The following MRPL45 variants were observed in gnomAD, a reference collection of about 807,000 sequenced individuals.
MRPL45 encodes the protein large ribosomal subunit protein mL45.
Under a neutral mutation model 38.1 loss-of-function variants are expected in MRPL45, and 20 were observed. That is an observed-to-expected ratio of 0.53 (90% CI 0.37 to 0.76). The LOEUF (loss-of-function observed/expected upper bound fraction) is 0.76, where lower values mean the gene tolerates loss of function less well. Ranked by LOEUF, MRPL45 falls within the 30% of genes least tolerant of loss-of-function variation. The pLI, the probability that MRPL45 is intolerant of heterozygous loss-of-function variation, is 0.00. For synonymous variants in MRPL45, 105 were observed against 128.8 expected, an observed-to-expected ratio of 0.82 and a Z score of 1.25; for missense variants, 337 against 395.6, an observed-to-expected ratio of 0.85 and a Z score of 1.26.
At chr17:38,318,762 TG>T (rs766227188) in intron 5 of MRPL45, 27 bp downstream of exon 5, 2 of 1,543,508 alleles carry the variant, frequency 1.3e-6, no homozygotes, top group Non-Finnish European at 8.9e-7. Flanking sequence ...CTTAGAACTG[TG>T]GGGTGACTGA....
At position 38,309,541 on chromosome 17, in the gene MRPL45, A is replaced by C. The variant is rs1040102491; in HGVS notation, c.461+2910A>C. 4.3e-4 allele frequency among the ~76,000 whole-genome samples: 16 copies of C among 37,022 alleles called. No homozygotes were observed. The Admixed American group carries it at 5.5e-3, about 13-fold the overall frequency. 24.3% of individuals were successfully genotyped at this position (37,022 alleles called of 152,430 possible). On this transcript the variant is annotated intron_variant, in intron 4 of 7. Transcript: ENST00000613675. ...CGTCTCAGAAAAAAAAAAAAAAAAA[A>C]GATTTTTTTTCTTTCTTTTTAGTAT... is the stretch of plus-strand genomic sequence containing the variant.
rs2036989744 is a variant in MRPL45 at position 38,300,975 on chromosome 17, A to G, written c.362+1507A>G. Among the ~76,000 whole-genome samples, 2 of 152,144 alleles carry G rather than the reference A, an allele frequency of 1.3e-5. 1 individual carries two copies. The highest frequency in any genetic ancestry group is 1.3e-4 in the Admixed American group (2 of 15,260). ...AAAAAATAATAATAAAAAAGATTTT[A>G]TCATATTACCTCCCTGCTTAGAACT... On this transcript the variant is annotated intron_variant, in intron 3 of 7. Coordinates refer to ENST00000613675, the MANE Select transcript of MRPL45 (RefSeq NM_032351.6).
Position 38,304,116 on chromosome 17 carries a change from C to A in MRPL45, c.363-2417C>A, listed in dbSNP as rs1272266515. Among the ~76,000 whole-genome samples the A allele has an allele frequency of 6.6e-5, 10 of 152,318 alleles. 1 individual carries two copies. The East Asian group carries it at 1.5e-3, about 23-fold the overall frequency. On this transcript the variant is annotated intron_variant, in intron 3 of 7. Transcript: ENST00000613675. The stretch of plus-strand genomic sequence containing the variant: ...AAAGAAATATTTTATTCTCCCACTT[C>A]ATTTATAATTTGCCCAGGTATTTAA...
In MRPL45 at chr17:38,306,587, A is replaced by G. The variant is rs145822688; in HGVS notation, c.417A>G (p.Glu139=). ...ACTTTAAAATAAAGGACTTCCCTGAAAAAGCTAAGGATATCTTTATTGAAG... is the reference window on the plus strand; with the variant it reads ...ACTTTAAAATAAAGGACTTCCCTGAGAAAGCTAAGGATATCTTTATTGAAG... ...DANFKIKDFP[E]KAKDIFIEAH... The change falls in exon 4 of 8, where the codon GAA becomes GAG. Residue 139 remains glutamate (E), a synonymous_variant. Coordinates refer to ENST00000613675, the MANE Select transcript of MRPL45 (RefSeq NM_032351.6). 5.5e-4 allele frequency: 888 copies of G among 1,611,232 alleles called. 5 individuals carry two copies. The South Asian group carries it at 6.1e-3, about 11-fold the overall frequency.
Position 38,322,139 on chromosome 17 carries a change from A to G in MRPL45, c.674A>G (p.Tyr225Cys). The change falls in exon 7 of 8, where the codon TAT becomes TGT. Residue 225 changes from tyrosine to cysteine, a missense_variant. Coordinates refer to ENST00000613675, the MANE Select transcript of MRPL45 (RefSeq NM_032351.6). ...TTATCCTTGCAGACTCTGGCCATCT[A>G]TGACCGGTTTGGCCGGTTGATGTAT... The part of the protein sequence containing the change: ...RMHTRQTLAI[Y>C]DRFGRLMYGQ... The G allele has an allele frequency of 6.2e-7, 1 of 1,614,120 alleles. No individual in the cohort carries two copies. The highest frequency in any genetic ancestry group is 8.5e-7 in the Non-Finnish European group (1 of 1,179,998).
chr17:38,303,902 T>C (rs990095729), intron 3 of MRPL45, among the ~76,000 whole-genome samples: 2 of 152,098 alleles, frequency 1.3e-5, no homozygotes, highest in African/African-American at 4.8e-5. Context: ...AATTTTTGTA[T>C]TTTTAGTAGA....
At chr17:38,297,619 T>C (rs2610360) in intron 1 of MRPL45, among the ~76,000 whole-genome samples, 1 of 152,158 alleles carries the variant, frequency 6.6e-6, no homozygotes, top group Non-Finnish European at 1.5e-5. Flanking sequence ...ATATTGTCAC[T>C]GCCCCGTCTG....
intron 3 of MRPL45, among the ~76,000 whole-genome samples, chr17:38,299,811 A>C (rs1162302521): frequency 6.6e-6 from 1 of 151,506 alleles, no homozygotes; most frequent in Non-Finnish European, 1.5e-5. Context: ...ATCTTGGCTC[A>C]CCGCAACCTC....
chr17:38,297,354 G>A (rs1173541048), intron 1 of MRPL45, 105 bp downstream of exon 1: 5 of 1,099,126 alleles, frequency 4.5e-6, no homozygotes, highest in Admixed American at 1.9e-5. Context: ...GACAATACGA[G>A]TCATACCTAG....
chr17:38,308,961 C>T (rs2144217620), intron 4 of MRPL45, among the ~76,000 whole-genome samples: 1 of 150,874 alleles, frequency 6.6e-6, no homozygotes, highest in East Asian at 2.0e-4. Context: ...GGCTGGAGTG[C>T]AGTAGCGCAA....
At chr17:38,304,783 C>T (rs1474330723) in intron 3 of MRPL45, among the ~76,000 whole-genome samples, 1 of 151,710 alleles carries the variant, frequency 6.6e-6, no homozygotes, top group Admixed American at 6.6e-5. Context: ...ACCTTGTGAT[C>T]AGCCCACCTT....
intron 4 of MRPL45, among the ~76,000 whole-genome samples, chr17:38,313,385 CAT>C (rs1189832077): frequency 1.5e-4 from 3 of 19,640 alleles, no homozygotes; most frequent in African/African-American, 7.0e-4. Flanking sequence ...TATATATATA[CAT>C]ATATATATAT....
chr17:38,311,597 A>C (rs976555090), intron 4 of MRPL45, among the ~76,000 whole-genome samples: 6 of 151,372 alleles, frequency 4.0e-5, no homozygotes, highest in Non-Finnish European at 8.8e-5. Flanking sequence ...GAGGCAAGAG[A>C]ATTGCTTGAA....
intron 4 of MRPL45, among the ~76,000 whole-genome samples, chr17:38,307,097 A>G (rs2037062738): frequency 6.6e-6 from 1 of 151,696 alleles, no homozygotes; most frequent in Non-Finnish European, 1.5e-5. Context: ...GCAATGGCGC[A>G]ATCTTGGCTC....
intron 3 of MRPL45, 43 bp from the exon 4 acceptor site, chr17:38,306,490 A>C: frequency 6.6e-7 from 1 of 1,506,180 alleles, no homozygotes; most frequent in Non-Finnish European, 9.1e-7. Flanking sequence ...GAATTATGGA[A>C]TTGTAAGACC....
chr17:38,299,468 C>G lies in MRPL45; in HGVS notation c.362C>G (p.Ser121Ter). ...RMKKTMASQV[S>*]IRRIKDYDAN... ...AAGAAGACTATGGCATCACAAGTGT[C>G]GTAGGTGTCTGAGACAATTGGGTAT... Residue 121 changes from serine to a stop codon, truncating the protein, a stop_gained and splice_region_variant, in exon 3 of 8, where the codon TCA becomes TGA. Transcript: ENST00000613675. LOFTEE classifies it high-confidence loss of function. 6.3e-7 allele frequency: 1 copy of G among 1,588,564 alleles called. No homozygotes were observed. The highest frequency in any genetic ancestry group is 8.5e-7 in the Non-Finnish European group (1 of 1,174,322).
chr17:38,319,225 C>T (rs937579388), intron 5 of MRPL45, among the ~76,000 whole-genome samples: 2 of 151,752 alleles, frequency 1.3e-5, no homozygotes, highest in Non-Finnish European at 2.9e-5. Flanking sequence ...TTAGTAGAGA[C>T]GGGGTTTCAC....
chr17:38,300,487 C>CT (rs960320332), intron 3 of MRPL45, among the ~76,000 whole-genome samples: 28 of 151,596 alleles, frequency 1.8e-4, no homozygotes, highest in Middle Eastern at 3.4e-3. Flanking sequence ...CTGTATCTAT[C>CT]TTTTTTTTTA....
chr17:38,307,846 TAA>T (rs149162721), intron 4 of MRPL45, among the ~76,000 whole-genome samples: 7 of 152,008 alleles, frequency 4.6e-5, no homozygotes, highest in Non-Finnish European at 1.0e-4. Context: ...TTTATTTCTT[TAA>T]AAAAAATTTA....
Sources: gnomAD v4.1 joint callset for allele counts (sites outside exome capture counted in the v4.1 genomes callset) on GRCh38, gnomAD v4.1.1 for gene constraint, MANE v1.5 for transcripts, NCBI Gene and HGNC (gene_info 2026-07-23, HGNC 2026-07-21) for gene names.